CNNM2: variants seen among roughly 807,000 people sequenced by gnomAD.
CNNM2 encodes the protein cyclin and CBS domain divalent metal cation transport mediator 2.
A neutral mutation model predicts 66.9 loss-of-function variants in CNNM2; 12 were observed. That is an observed-to-expected ratio of 0.18 (90% CI 0.11 to 0.29). CNNM2 has a LOEUF of 0.29. Ranked by LOEUF, CNNM2 falls within the 10% of genes least tolerant of loss-of-function variation. The pLI is 1.00. For synonymous variants in CNNM2, 557 were observed against 501.8 expected, an observed-to-expected ratio of 1.11 and a Z score of -1.47; for missense variants, 705 against 1,167.7, an observed-to-expected ratio of 0.60 and a Z score of 5.77.
intron 2 of CNNM2, among the ~76,000 whole-genome samples, chr10:103,052,173 C>G (rs372082467): frequency 6.6e-6 from 1 of 150,528 alleles, no homozygotes; most frequent in South Asian, 2.1e-4. Context: ...CCCAGCTGCT[C>G]GGGAGGCTGA....
chr10:103,050,217 T>A (rs2065192828), intron 2 of CNNM2, among the ~76,000 whole-genome samples: 1 of 152,220 alleles, frequency 6.6e-6, no homozygotes, highest in South Asian at 2.1e-4. Flanking sequence ...TTTGTACTTT[T>A]CATAACTCAA....
chr10:103,063,895 A>G (rs2065432227), intron 4 of CNNM2, among the ~76,000 whole-genome samples: 1 of 152,260 alleles, frequency 6.6e-6, no homozygotes, highest in Non-Finnish European at 1.5e-5. Flanking sequence ...ATCTCGAACC[A>G]GGTAAGCCAT....
intron 1 of CNNM2, among the ~76,000 whole-genome samples, chr10:102,994,060 G>A (rs945758438): frequency 2.0e-4 from 31 of 152,116 alleles, no homozygotes; most frequent in Middle Eastern, 6.8e-3. Context: ...CCTCAGCCTC[G>A]TGAGTAGCTG....
intron 1 of CNNM2, among the ~76,000 whole-genome samples, chr10:102,958,597 A>T (rs1176528377): frequency 6.8e-6 from 1 of 147,978 alleles, no homozygotes; most frequent in Admixed American, 7.0e-5. Flanking sequence ...CAGCCTCCTG[A>T]GTAGCTGGGA....
intron 1 of CNNM2, among the ~76,000 whole-genome samples, chr10:103,047,158 C>T (rs905455597): frequency 6.6e-6 from 1 of 152,094 alleles, no homozygotes. Flanking sequence ...GAGTAACTTT[C>T]CAATGGAGAA....
chr10:103,006,124 A>C (rs2064221277), intron 1 of CNNM2, among the ~76,000 whole-genome samples: 1 of 152,026 alleles, frequency 6.6e-6, no homozygotes, highest in Non-Finnish European at 1.5e-5. Flanking sequence ...TGATAGTGAT[A>C]TCCTTGTCTT....
chr10:102,920,128 G>C lies in CNNM2; in HGVS notation c.1621+27G>C. ...TGGGAAATTTTGGTCTCTTTCATTG[G>C]CTTGCTCTTTCTCTCTCCATCCTCC... On this transcript the variant is annotated intron_variant, in intron 1 of 7. Transcript: ENST00000369878. 1 of 1,614,086 alleles carries C rather than the reference G, an allele frequency of 6.2e-7. No individual in the cohort carries two copies. The highest frequency in any genetic ancestry group is 1.6e-4 in the Middle Eastern group (1 of 6,062).
intron 1 of CNNM2, among the ~76,000 whole-genome samples, chr10:102,959,276 G>A (rs1177142610): frequency 1.3e-5 from 2 of 152,160 alleles, no homozygotes; most frequent in African/African-American, 4.8e-5. Context: ...AACTACACGT[G>A]AAAAGTGAAC....
At chr10:102,979,425 C>T (rs2063686076) in intron 1 of CNNM2, among the ~76,000 whole-genome samples, 1 of 152,120 alleles carries the variant, frequency 6.6e-6, no homozygotes, top group African/African-American at 2.4e-5. Context: ...TTTGTTATAC[C>T]ACCTAGCTAT....
chr10:103,063,120 G>A (rs1172545006), intron 4 of CNNM2, among the ~76,000 whole-genome samples: 1 of 152,216 alleles, frequency 6.6e-6, no homozygotes, highest in East Asian at 1.9e-4. Flanking sequence ...CAGTCAGATG[G>A]TCCAAAATGT....
intron 7 of CNNM2, 51 bp from the exon 8 acceptor site, chr10:103,076,920 T>A (rs2065702116): frequency 6.5e-7 from 1 of 1,546,678 alleles, no homozygotes; most frequent in African/African-American, 1.4e-5. Flanking sequence ...TCAGAGAACC[T>A]AAAAATAAGC....
At chr10:103,050,623 G>A (rs1590462675) in intron 2 of CNNM2, among the ~76,000 whole-genome samples, 1 of 152,296 alleles carries the variant, frequency 6.6e-6, no homozygotes, top group East Asian at 1.9e-4. Flanking sequence ...CTTGGGTCAG[G>A]GGTGGAGGTG....
At chr10:102,967,002 G>T (rs1025373077) in intron 1 of CNNM2, among the ~76,000 whole-genome samples, 2 of 152,178 alleles carry the variant, frequency 1.3e-5, no homozygotes, top group Admixed American at 1.3e-4. Context: ...GCTACCTGGG[G>T]TCTGGTGTGA....
chr10:102,935,529 A>G (rs978724078), intron 1 of CNNM2, among the ~76,000 whole-genome samples: 1 of 152,044 alleles, frequency 6.6e-6, no homozygotes, highest in Admixed American at 6.6e-5. Flanking sequence ...TTTTATTTGC[A>G]AAGACTAGAA....
intron 1 of CNNM2, among the ~76,000 whole-genome samples, chr10:103,013,663 A>C (rs1011340680): frequency 6.6e-6 from 1 of 152,234 alleles, no homozygotes; most frequent in African/African-American, 2.4e-5. Flanking sequence ...ACAACCTATT[A>C]GGGAAAGTTT....
At position 103,086,299 on chromosome 10, in the gene CNNM2, T is replaced by G. The variant is rs763506544; in HGVS notation, c.*9119T>G. ...AGATCATCATGAGAAACATAAGTAT[T>G]TGAGCCCTAAACTACTAAGCCCAGT... On this transcript the variant is annotated 3_prime_UTR_variant, in exon 8 of 8. Transcript: ENST00000369878. 6.6e-6 allele frequency: 1 copy of G among 152,236 alleles called. No homozygotes were observed. Among genetic ancestry groups the G allele is most frequent in the Non-Finnish European group, 1.5e-5 (1 of 68,036 alleles). The allele number at this position is 152,236 out of a possible 1,614,324, so 9.4% of individuals were successfully genotyped here. A position where few individuals can be genotyped will look rare whatever the true frequency, so the allele number is the denominator to read the frequency against.
In CNNM2 at chr10:103,003,216, G is replaced by A. The variant is rs142313359; in HGVS notation, c.1622-46491G>A. Among the ~76,000 whole-genome samples, 977 of 151,168 alleles carry A rather than the reference G, an allele frequency of 6.5e-3. 8 individuals carry two copies. The highest frequency in any genetic ancestry group is 0.022 in the African/African-American group (922 of 41,150). On this transcript the variant is annotated intron_variant, in intron 1 of 7. Transcript: ENST00000369878. ...CAACCTCCGCCTCCTGGGTCCAAGC[G>A]ATTCTCATGGCCTCAGCCTCCTGAG...
intron 1 of CNNM2, among the ~76,000 whole-genome samples, chr10:102,980,554 G>T (rs1302451363): frequency 1.3e-5 from 2 of 152,102 alleles, no homozygotes; most frequent in African/African-American, 4.8e-5. Flanking sequence ...TAGGTGTGAG[G>T]TGCCATGCCC....
At chr10:103,042,679 T>G (rs1183509361) in intron 1 of CNNM2, among the ~76,000 whole-genome samples, 1 of 152,254 alleles carries the variant, frequency 6.6e-6, no homozygotes, top group Non-Finnish European at 1.5e-5. Flanking sequence ...GCCCGGATTT[T>G]ATGGCTTATA....
Sources: allele counts gnomAD v4.1 joint callset (sites outside exome capture counted in the v4.1 genomes callset), GRCh38; gene constraint gnomAD v4.1.1; transcripts MANE v1.5; gene names NCBI Gene and HGNC (gene_info 2026-07-23, HGNC 2026-07-21).